The following GART variants were observed in gnomAD, a reference collection of about 807,000 sequenced individuals.
The protein encoded by GART is trifunctional purine biosynthetic protein adenosine-3.
A neutral mutation model predicts 107.2 loss-of-function variants in GART; 43 were observed. The observed-to-expected ratio is 0.40, with a 90% CI of 0.31 to 0.52. The LOEUF is 0.52. GART is among the 20% of genes least tolerant of loss of function. GART has a pLI of 0.52. For synonymous variants in GART, 434 were observed against 427.0 expected (o/e 1.02, Z -0.20); for missense variants, 1,107 against 1,206.5 (o/e 0.92, Z 1.22).
intron 14 of GART, chr21:33,518,570 T>C: frequency 3.5e-6 from 1 of 283,218 alleles, no homozygotes; most frequent in Non-Finnish European, 7.0e-6. Context: ...ATATTAGAGA[T>C]CTAAATTTTA....
chr21:33,504,669 G>A, intron 20 of GART, 142 bp from the exon 21 acceptor site: 1 of 651,146 alleles, frequency 1.5e-6, no homozygotes, highest in East Asian at 2.7e-5. Context: ...ACACAGAAAT[G>A]AGGTAAAAGT....
At chr21:33,519,837 T>A (rs2084938211) in intron 14 of GART, among the ~76,000 whole-genome samples, 1 of 146,504 alleles carries the variant, frequency 6.8e-6, no homozygotes, top group Non-Finnish European at 1.5e-5. Flanking sequence ...TTTTTTTTTT[T>A]AAATTAAAAA....
chr21:33,531,647 T>C (rs2085193452), intron 5 of GART, 90 bp from the exon 6 acceptor site: 1 of 1,184,464 alleles, frequency 8.4e-7, no homozygotes, highest in Non-Finnish European at 1.2e-6. Context: ...TTATCCAGCA[T>C]TTGTATTATG....
chr21:33,524,146 TAATCA>T (rs2085023989), intron 11 of GART: 17 of 985,220 alleles, frequency 1.7e-5, no homozygotes, highest in Non-Finnish European at 2.0e-5. Context: ...CTTTACAGTA[TAATCA>T]AATCAAATTA....
chr21:33,512,330 C>G (rs1195637649), intron 16 of GART, among the ~76,000 whole-genome samples: 2 of 138,080 alleles, frequency 1.4e-5, no homozygotes, highest in Non-Finnish European at 3.1e-5. Context: ...TCTCTCTTAT[C>G]ACAAATAATA....
rs150626610 is a variant in GART at position 33,531,367 on chromosome 21, G to A, written c.597+122C>T. ...ACAATAAAAGTATACAAATTCCTTT[G>A]TAACTGCTGGGTTTATGTTTTTAGA... is the stretch of plus-strand genomic sequence containing the variant. On this transcript the variant is annotated intron_variant, in intron 6 of 21. Transcript: ENST00000381815. The A allele has an allele frequency of 6.3e-5, 51 of 811,894 alleles. 1 individual carries two copies. In the East Asian group the frequency reaches 1.3e-3, roughly 20 times the overall value. The allele number at this position is 811,894 out of a possible 1,614,324, so 50.3% of individuals were successfully genotyped here. A position where few individuals can be genotyped will look rare whatever the true frequency, so the allele number is the denominator to read the frequency against.
intron 2 of GART, among the ~76,000 whole-genome samples, chr21:33,537,609 A>T (rs2145765667): frequency 6.6e-6 from 1 of 152,350 alleles, no homozygotes; most frequent in Non-Finnish European, 1.5e-5. Context: ...ACTGTAGGAG[A>T]GATATAATTA....
chr21:33,521,416 G>C (rs2084970857), intron 12 of GART, among the ~76,000 whole-genome samples: 1 of 152,080 alleles, frequency 6.6e-6, no homozygotes, highest in Admixed American at 6.5e-5. Context: ...TGGATCACAA[G>C]GTCAGGAGAT....
intron 10 of GART, among the ~76,000 whole-genome samples, chr21:33,526,437 G>T (rs2085075190): frequency 6.6e-6 from 1 of 152,210 alleles, no homozygotes; most frequent in Non-Finnish European, 1.5e-5. Flanking sequence ...GCCTCCCCAA[G>T]TGTTAGGATT....
intron 12 of GART, among the ~76,000 whole-genome samples, chr21:33,521,628 T>A: frequency 1.0e-5 from 1 of 96,724 alleles, no homozygotes; most frequent in Non-Finnish European, 2.0e-5. Context: ...CCAGACTTTG[T>A]CTCAAAAAAA....
chr21:33,530,930 T>TAAA, intron 6 of GART, 46 bp from the exon 7 acceptor site: 2 of 1,256,910 alleles, frequency 1.6e-6, no homozygotes, highest in Non-Finnish European at 2.1e-6. Flanking sequence ...TGTCAAAAAC[T>TAAA]AAAAAAAAAA....
At chr21:33,508,550 GCT>G (rs1182822714) in intron 18 of GART, among the ~76,000 whole-genome samples, 2 of 113,122 alleles carry the variant, frequency 1.8e-5, no homozygotes, top group African/African-American at 6.8e-5. Flanking sequence ...ATGGAGTCTT[GCT>G]CTGTCTCCAG....
At chr21:33,530,920 T>C in intron 6 of GART, 36 bp from the exon 7 acceptor site, 5 of 1,497,228 alleles carry the variant, frequency 3.3e-6, no homozygotes, top group Non-Finnish European at 4.4e-6. Flanking sequence ...TTATGTTAAC[T>C]GTCAAAAACT....
At chr21:33,505,500 T>G in intron 20 of GART, 61 bp downstream of exon 20, 1 of 1,440,062 alleles carries the variant, frequency 6.9e-7, no homozygotes, top group South Asian at 1.4e-5. Flanking sequence ...TGGCAAGTTA[T>G]CTGTTCTGGA....
chr21:33,516,322 C>G (rs959877000), intron 16 of GART, among the ~76,000 whole-genome samples: 1 of 151,722 alleles, frequency 6.6e-6, no homozygotes, highest in African/African-American at 2.4e-5. Context: ...CATGGTTTAC[C>G]CACTACTTTG....
At chr21:33,539,906 C>T (rs949704679) in intron 1 of GART, among the ~76,000 whole-genome samples, 1 of 152,130 alleles carries the variant, frequency 6.6e-6, no homozygotes, top group African/African-American at 2.4e-5. Context: ...CTCTCAGCTC[C>T]TTATGTGATA....
chr21:33,505,714 AAAGAT>A lies in GART; in HGVS notation c.2584-17_2584-13del, dbSNP rs1228320068. 1 of 1,582,082 alleles carries A rather than the reference AAAGAT, an allele frequency of 6.3e-7. No individual in the cohort carries two copies. The highest frequency in any genetic ancestry group is 1.7e-4 in the Middle Eastern group (1 of 5,892). ...TTATGATTAATTACCTGTAATAGAA[AAAGAT>A]AAGCACAACCCTTTTCAATGAATTA... On this transcript the variant is annotated splice_polypyrimidine_tract_variant and intron_variant, in intron 19 of 21. Coordinates refer to ENST00000381815, the MANE Select transcript of GART (RefSeq NM_000819.5).
chr21:33,505,466 TG>T, intron 20 of GART, 94 bp downstream of exon 20: 1 of 980,584 alleles, frequency 1.0e-6, no homozygotes, highest in Non-Finnish European at 1.5e-6. Context: ...ATTTCTGGGA[TG>T]GGTGTTCACT....
Position 33,531,569 on chromosome 21 carries a change from A to AG in GART, c.529-13_529-12insC, listed in dbSNP as rs760929549. 1.2e-5 allele frequency: 17 copies of AG among 1,412,448 alleles called. No individual in the cohort carries two copies. The Admixed American group carries it at 4.0e-4, about 33-fold the overall frequency. The allele number at this position is 1,412,448 out of a possible 1,614,324, so 87.5% of individuals were successfully genotyped here. A position where few individuals can be genotyped will look rare whatever the true frequency, so the allele number is the denominator to read the frequency against. On this transcript the variant is annotated splice_polypyrimidine_tract_variant and intron_variant, in intron 5 of 21. Coordinates refer to ENST00000381815, the MANE Select transcript of GART (RefSeq NM_000819.5). Reference sequence around the variant, plus strand: ...CCAAAGGCTTTCTCCTGATTGTAAGATTTTTTTTTTTTTTTTTTTTAAAAA... The same window carrying AG: ...CCAAAGGCTTTCTCCTGATTGTAAGAGTTTTTTTTTTTTTTTTTTTTAAAAA...
Sources: gnomAD v4.1 joint callset for allele counts (sites outside exome capture counted in the v4.1 genomes callset) on GRCh38, gnomAD v4.1.1 for gene constraint, MANE v1.5 for transcripts, NCBI Gene and HGNC (gene_info 2026-07-23, HGNC 2026-07-21) for gene names.